The following LRPPRC variants were observed in gnomAD, a reference collection of about 807,000 sequenced individuals.
LRPPRC encodes the protein leucine rich pentatricopeptide repeat containing.
LRPPRC carries 120 observed loss-of-function variants against 180.3 expected under a neutral mutation model. The observed-to-expected ratio is 0.67, with a 90% CI of 0.57 to 0.77. The LOEUF is 0.77. Among genes scored for constraint, LRPPRC ranks in the 30% least tolerant of loss-of-function variants. LRPPRC has a pLI of 0.00. For missense variants in LRPPRC, 2,012 were observed against 1,657.2 expected (o/e 1.21, Z -3.72); for synonymous variants, 723 against 600.0 (o/e 1.21, Z -3.00).
intron 2 of LRPPRC, among the ~76,000 whole-genome samples, chr2:43,980,973 T>A (rs1264863503): frequency 6.6e-6 from 1 of 152,216 alleles, no homozygotes; most frequent in Non-Finnish European, 1.5e-5. Context: ...ACTATAGTAA[T>A]AATTAATACT....
intron 9 of LRPPRC, 66 bp downstream of exon 9, chr2:43,974,083 CT>C (rs1490770843): frequency 5.7e-5 from 83 of 1,455,664 alleles, no homozygotes; most frequent in Admixed American, 2.0e-4. Context: ...ATAAATGTTC[CT>C]ATACTTTAAA....
intron 3 of LRPPRC, among the ~76,000 whole-genome samples, chr2:43,978,873 A>C (rs563921783): frequency 1.1e-4 from 16 of 152,166 alleles, no homozygotes; most frequent in Middle Eastern, 6.8e-3. Flanking sequence ...AGAGGTATGG[A>C]TTCTTAAACA....
At chr2:43,907,471 T>A (rs1671100600) in intron 30 of LRPPRC, among the ~76,000 whole-genome samples, 1 of 152,048 alleles carries the variant, frequency 6.6e-6, no homozygotes, top group Admixed American at 6.6e-5. Context: ...AAAAATCGAG[T>A]CCAGAGCTCT....
intron 30 of LRPPRC, among the ~76,000 whole-genome samples, chr2:43,909,999 A>G (rs1457567646): frequency 1.3e-5 from 2 of 152,186 alleles, no homozygotes; most frequent in African/African-American, 4.8e-5. Context: ...ACATACACAC[A>G]CGCATAACTG....
Position 43,979,939 on chromosome 2 carries a change from C to A in LRPPRC, c.356G>T (p.Gly119Val). The A allele has an allele frequency of 6.2e-7, 1 of 1,613,804 alleles. No homozygotes were observed. Among genetic ancestry groups the A allele is most frequent in the Non-Finnish European group, 8.5e-7 (1 of 1,179,814 alleles). Residue 119 changes from glycine to valine, a missense_variant, in exon 3 of 38, where the codon GGT becomes GTT. Gly to Val is a moderately radical substitution (Grantham distance 109). Transcript: ENST00000260665. Reference sequence around the variant, plus strand: ...TAGTAGAAGCAAGGCATGACTACCACCTAGGCCACCTGTGGAAAAAAGGTT... The same window carrying A: ...TAGTAGAAGCAAGGCATGACTACCAACTAGGCCACCTGTGGAAAAAAGGTT... ...FNDTCRSGGL[G>V]GSHALLLLRS...
At chr2:43,921,561 C>T (rs1287111989) in intron 27 of LRPPRC, among the ~76,000 whole-genome samples, 1 of 151,954 alleles carries the variant, frequency 6.6e-6, no homozygotes, top group Admixed American at 6.6e-5. Context: ...TAGGTACATA[C>T]ATAAAAAATA....
intron 23 of LRPPRC, among the ~76,000 whole-genome samples, chr2:43,942,656 A>T (rs1462952032): frequency 2.6e-5 from 4 of 152,086 alleles, no homozygotes; most frequent in African/African-American, 9.6e-5. Context: ...TAAACTCTCT[A>T]ATAAATAAAG....
At position 43,973,917 on chromosome 2, in the gene LRPPRC, AC is replaced by A; in HGVS notation, c.1156-18del. On this transcript the variant is annotated intron_variant, in intron 9 of 37. Coordinates refer to ENST00000260665, the MANE Select transcript of LRPPRC (RefSeq NM_133259.4). The stretch of plus-strand genomic sequence containing the variant: ...CTCCACAGGCTGTGGGAAAAAAGTC[AC>A]CACATTAGCTGGATTGGCAAACACC... The A allele has an allele frequency of 6.9e-7, 1 of 1,455,410 alleles. No homozygotes were observed. Among genetic ancestry groups the A allele is most frequent in the Non-Finnish European group, 9.7e-7 (1 of 1,035,742 alleles). The allele number at this position is 1,455,410 out of a possible 1,614,324, so 90.2% of individuals were successfully genotyped here.
chr2:43,940,084 T>C (rs1672425084), intron 23 of LRPPRC, among the ~76,000 whole-genome samples: 2 of 152,324 alleles, frequency 1.3e-5, no homozygotes, highest in South Asian at 4.1e-4. Context: ...GAATGTAACT[T>C]AATTACGACC....
chr2:43,989,613 T>C (rs1006639487), intron 1 of LRPPRC, among the ~76,000 whole-genome samples: 2 of 152,202 alleles, frequency 1.3e-5, no homozygotes, highest in Non-Finnish European at 2.9e-5. Flanking sequence ...TTTTTGTCCA[T>C]AAGTAATCCC....
At position 43,976,123 on chromosome 2, in the gene LRPPRC, AACCTTAGGTTG is replaced by A; in HGVS notation, c.737+9_737+19del. 6.6e-7 allele frequency: 1 copy of A among 1,526,128 alleles called. No homozygotes were observed. The highest frequency in any genetic ancestry group is 1.1e-5 in the South Asian group (1 of 89,128). The allele number at this position is 1,526,128 out of a possible 1,614,324, so 94.5% of individuals were successfully genotyped here. A position where few individuals can be genotyped will look rare whatever the true frequency, so the allele number is the denominator to read the frequency against. On this transcript the variant is annotated intron_variant, in intron 6 of 37. Transcript: ENST00000260665. ...CAGCCATCTATCACTTAAGAACCAA[AACCTTAGGTTG>A]AACATTACCCAGCTCTGGCATGCCC...
rs1252154651 is a variant in LRPPRC, at chr2:43,918,000, C to A, written c.3148+25G>T. Reference sequence around the variant, plus strand: ...AGAAAGAAGACCACCCCCCCACACACACCCCCATCCCCGTATGTGCTTGCC... The same window carrying A: ...AGAAAGAAGACCACCCCCCCACACAAACCCCCATCCCCGTATGTGCTTGCC... On this transcript the variant is annotated intron_variant, in intron 29 of 37. Coordinates refer to ENST00000260665, the MANE Select transcript of LRPPRC (RefSeq NM_133259.4). The A allele has an allele frequency of 6.7e-6, 10 of 1,487,590 alleles. No homozygotes were observed. In the African/African-American group the frequency reaches 9.7e-5, roughly 14 times the overall value. 92.1% of individuals were successfully genotyped at this position (1,487,590 alleles called of 1,614,324 possible).
In LRPPRC at chr2:43,948,467, T is replaced by A. The variant is rs772284487; in HGVS notation, c.1787A>T (p.Glu596Val). 6.2e-7 allele frequency: 1 copy of A among 1,612,850 alleles called. No homozygotes were observed. The change falls in exon 17 of 38, where the codon GAG becomes GTG. Residue 596 changes from glutamate (E) to valine (V), a missense_variant. Glu to Val is a moderately radical substitution (Grantham distance 121). Coordinates refer to ENST00000260665, the MANE Select transcript of LRPPRC (RefSeq NM_133259.4). ...YNLIDSMSDS[E>V]VQAKEEHLRQ... ...CAAATGCTCCTCCTTGGCCTGTACC[T>A]CTGAGTCACTCATGCTGTCAATCAA... is the stretch of plus-strand genomic sequence containing the variant.
In LRPPRC at chr2:43,974,299, G is replaced by C. The variant is rs1022362220; in HGVS notation, c.1010-4C>G. On this transcript the variant is annotated splice_region_variant and splice_polypyrimidine_tract_variant and intron_variant, in intron 8 of 37. Coordinates refer to ENST00000260665, the MANE Select transcript of LRPPRC (RefSeq NM_133259.4). Reference sequence around the variant, plus strand: ...AGTAAAATGAGGTTCATTGCATCTGGGAAGAAAACAAAGACATCTTTTGTT... The same window carrying C: ...AGTAAAATGAGGTTCATTGCATCTGCGAAGAAAACAAAGACATCTTTTGTT... 3 of 1,606,884 alleles carry C rather than the reference G, an allele frequency of 1.9e-6. No individual in the cohort carries two copies. Among genetic ancestry groups the C allele is most frequent in the African/African-American group, 2.7e-5 (2 of 74,782 alleles).
chr2:43,973,556 G>C (rs370204338), intron 11 of LRPPRC, 51 bp downstream of exon 11: 19 of 1,151,044 alleles, frequency 1.7e-5, no homozygotes, highest in Non-Finnish European at 2.4e-5. Context: ...CGTGCAAACT[G>C]TCATACTGGC....
intron 35 of LRPPRC, chr2:43,896,428 T>C: frequency 2.0e-6 from 1 of 490,422 alleles, no homozygotes; most frequent in Non-Finnish European, 3.7e-6. Flanking sequence ...CCTGTGTAAG[T>C]GGAAAATTCC....
At chr2:43,934,638 A>G (rs1672206857) in intron 24 of LRPPRC, 116 bp downstream of exon 24, 1 of 836,742 alleles carries the variant, frequency 1.2e-6, no homozygotes, top group Non-Finnish European at 1.9e-6. Flanking sequence ...TCACAAGTAT[A>G]AAGAAAGTTT....
At chr2:43,961,424 G>A (rs72879122) in intron 12 of LRPPRC, among the ~76,000 whole-genome samples, 1 of 152,166 alleles carries the variant, frequency 6.6e-6, no homozygotes, top group African/African-American at 2.4e-5. Context: ...TGGATAATAG[G>A]AACAGTATAA....
intron 23 of LRPPRC, among the ~76,000 whole-genome samples, chr2:43,938,968 T>C (rs191196763): frequency 9.5e-4 from 145 of 152,180 alleles, no homozygotes; most frequent in African/African-American, 3.3e-3. Context: ...CCAGAGAGTA[T>C]ACTTAAACAA....
Sources: allele counts gnomAD v4.1 joint callset (sites outside exome capture counted in the v4.1 genomes callset), GRCh38; gene constraint gnomAD v4.1.1; transcripts MANE v1.5; gene names NCBI Gene and HGNC (gene_info 2026-07-23, HGNC 2026-07-21).